RABGAP1L: variants seen among roughly 807,000 people sequenced by gnomAD.
The protein encoded by RABGAP1L is RAB GTPase activating protein 1 like, also known as rab GTPase-activating protein 1-like.
A neutral mutation model predicts 137.7 loss-of-function variants in RABGAP1L; 63 were observed. The ratio of observed to expected loss-of-function variants is 0.46; its 90% CI spans 0.37 to 0.56. The LOEUF is 0.56. RABGAP1L is among the 20% of genes least tolerant of loss of function. The pLI, the probability that RABGAP1L is intolerant of heterozygous loss-of-function variation, is 0.00. For synonymous variants in RABGAP1L, 431 were observed against 433.7 expected (o/e 0.99, Z 0.08); for missense variants, 1,095 against 1,244.0 (o/e 0.88, Z 1.80).
chr1:174,436,177 G>T (rs1036161265), intron 13 of RABGAP1L, among the ~76,000 whole-genome samples: 52 of 152,150 alleles, frequency 3.4e-4, no homozygotes, highest in Non-Finnish European at 4.9e-4. Context: ...ACCCAGTAAT[G>T]GGATGGCTGG....
chr1:174,242,448 A>G (rs1044065940), intron 5 of RABGAP1L, among the ~76,000 whole-genome samples: 1 of 152,244 alleles, frequency 6.6e-6, no homozygotes, highest in Non-Finnish European at 1.5e-5. Context: ...TTTGCTTGTG[A>G]CAAAATAAAT....
intron 19 of RABGAP1L, among the ~76,000 whole-genome samples, chr1:174,856,670 T>A (rs973457970): frequency 2.0e-4 from 30 of 152,124 alleles, no homozygotes; most frequent in African/African-American, 7.0e-4. Context: ...CTCACACCTG[T>A]AATCCCAGCA....
In RABGAP1L at chr1:174,654,137, C is replaced by T. The variant is rs537537185; in HGVS notation, c.1824+16649C>T. ...ACATTTGAAAAGACCAATGGTGAGTCGTCAGCCAAAGTTACTAATTAGGTC... is the reference window on the plus strand; with the variant it reads ...ACATTTGAAAAGACCAATGGTGAGTTGTCAGCCAAAGTTACTAATTAGGTC... On this transcript the variant is annotated intron_variant, in intron 14 of 25. Transcript: ENST00000681986. Among the ~76,000 whole-genome samples, 9 of 152,298 alleles carry T rather than the reference C, an allele frequency of 5.9e-5. No homozygotes were observed. In the East Asian group the frequency reaches 1.2e-3, roughly 20 times the overall value.
intron 13 of RABGAP1L, among the ~76,000 whole-genome samples, chr1:174,597,686 T>C (rs1307405739): frequency 3.3e-5 from 5 of 152,160 alleles, no homozygotes; most frequent in African/African-American, 4.8e-5. Flanking sequence ...AACTAACCTT[T>C]TGTTAATCTT....
chr1:174,365,596 A>G (rs1251188028), intron 11 of RABGAP1L, among the ~76,000 whole-genome samples: 9 of 152,122 alleles, frequency 5.9e-5, no homozygotes. Flanking sequence ...GGATGGCTCT[A>G]TCCTCCGCTG....
chr1:174,341,501 C>T (rs1681968507), intron 11 of RABGAP1L, among the ~76,000 whole-genome samples: 1 of 152,142 alleles, frequency 6.6e-6, no homozygotes. Flanking sequence ...AGTTTAACAA[C>T]TTGGATGAAA....
At chr1:174,652,622 G>A (rs1291735341) in intron 14 of RABGAP1L, among the ~76,000 whole-genome samples, 1 of 152,186 alleles carries the variant, frequency 6.6e-6, no homozygotes, top group Non-Finnish European at 1.5e-5. Flanking sequence ...CGTATCACCA[G>A]CATAGGCTTC....
In RABGAP1L at chr1:174,262,527, C is replaced by T. The variant is rs190802256; in HGVS notation, c.987-9887C>T. On this transcript the variant is annotated intron_variant, in intron 7 of 25. Transcript: ENST00000681986. ...GTATAGAGATGCTCTATGTGTGCTT[C>T]CCCATTTCCCCCTATGGTAACATCT... Among the ~76,000 whole-genome samples the T allele has an allele frequency of 2.6e-5, 4 of 152,274 alleles. No homozygotes were observed. The East Asian group carries it at 5.8e-4, about 22-fold the overall frequency.
chr1:174,278,678 T>C lies in RABGAP1L; in HGVS notation c.1222T>C (p.Phe408Leu), dbSNP rs1413063760. 16 of 1,613,342 alleles carry C rather than the reference T, an allele frequency of 9.9e-6. No homozygotes were observed. The highest frequency in any genetic ancestry group is 3.3e-4 in the Middle Eastern group (2 of 6,078). ...VVTEVVEPVR[F>L]LLETVVRVYP... ...CACAGAGGTGGTGGAGCCTGTTCGC[T>C]TTCTCCTGGAGACAGTAGTCCGTGT... Residue 408 changes from phenylalanine (F) to leucine (L), a missense_variant, in exon 10 of 26, where the codon TTT (phenylalanine) becomes CTT (leucine). By Grantham distance (22) the Phe-to-Leu change is conservative. This residue lies in a region of RABGAP1L where 315 missense variants were observed against 324.8 expected (regional missense o/e 0.97). Transcript: ENST00000681986.
At chr1:174,418,812 G>A (rs568614734) in intron 13 of RABGAP1L, among the ~76,000 whole-genome samples, 1 of 152,306 alleles carries the variant, frequency 6.6e-6, no homozygotes, top group South Asian at 2.1e-4. Context: ...GCTGAGGCAG[G>A]TGGATTACTT....
intron 13 of RABGAP1L, among the ~76,000 whole-genome samples, chr1:174,398,343 T>TG (rs1648129150): frequency 1.3e-5 from 2 of 152,136 alleles, no homozygotes; most frequent in South Asian, 2.1e-4. Context: ...TTGGGGCTGT[T>TG]GCGTGGCTCA....
chr1:174,415,010 C>A (rs1484349267), intron 13 of RABGAP1L, among the ~76,000 whole-genome samples: 1 of 151,938 alleles, frequency 6.6e-6, no homozygotes, highest in African/African-American at 2.4e-5. Context: ...ATTTCTTGAG[C>A]TTCTTCAAAA....
At position 174,327,972 on chromosome 1, in the gene RABGAP1L, TATATATACAC is replaced by T. The variant is rs1462781527; in HGVS notation, c.1465+22847_1465+22856del. ...ACAGTTGTAAATATATATATATATA[TATATATACAC>T]ACACATATATATATATATATATATA... On this transcript the variant is annotated intron_variant, in intron 11 of 25. Coordinates refer to ENST00000681986, the MANE Select transcript of RABGAP1L (RefSeq NM_001366446.1). Among the ~76,000 whole-genome samples, 33 of 18,974 alleles carry T rather than the reference TATATATACAC, an allele frequency of 1.7e-3. 1 individual carries two copies. The highest frequency in any genetic ancestry group is 5.2e-3 in the African/African-American group (27 of 5,190). 12.4% of individuals were successfully genotyped at this position (18,974 alleles called of 152,430 possible).
chr1:174,293,822 C>G (rs1375070413), intron 10 of RABGAP1L, among the ~76,000 whole-genome samples: 1 of 151,966 alleles, frequency 6.6e-6, no homozygotes. Flanking sequence ...AGGCATTATG[C>G]TATGTTGGGG....
intron 19 of RABGAP1L, among the ~76,000 whole-genome samples, chr1:174,901,536 A>C (rs1243557268): frequency 6.6e-6 from 1 of 152,146 alleles, no homozygotes; most frequent in East Asian, 1.9e-4. Flanking sequence ...GAGCCCTCCC[A>C]TGACACCTGG....
At chr1:174,205,809 G>C (rs1296378058) in intron 1 of RABGAP1L, among the ~76,000 whole-genome samples, 1 of 151,816 alleles carries the variant, frequency 6.6e-6, no homozygotes, top group Non-Finnish European at 1.5e-5. Flanking sequence ...TTTTCTTCTG[G>C]TAGCTTTGGT....
chr1:174,497,725 A>G (rs563374379), intron 13 of RABGAP1L, among the ~76,000 whole-genome samples: 1 of 152,246 alleles, frequency 6.6e-6, no homozygotes, highest in African/African-American at 2.4e-5. Context: ...TCTCTCTCTC[A>G]GTCCAACAAA....
At chr1:174,980,868 C>T (rs946270278) in intron 23 of RABGAP1L, among the ~76,000 whole-genome samples, 2 of 150,496 alleles carry the variant, frequency 1.3e-5, no homozygotes, top group Non-Finnish European at 1.5e-5. Flanking sequence ...AAATAACTAA[C>T]GAAAATAGAG....
chr1:174,550,915 C>CAT lies in RABGAP1L; in HGVS notation c.1711-86459_1711-86458insTA, dbSNP rs773622989. Among the ~76,000 whole-genome samples, 105 of 97,984 alleles carry CAT rather than the reference C, an allele frequency of 1.1e-3. 5 individuals carry two copies. Among genetic ancestry groups the CAT allele is most frequent in the African/African-American group, 5.0e-3 (71 of 14,194 alleles). 64.3% of individuals were successfully genotyped at this position (97,984 alleles called of 152,430 possible). On this transcript the variant is annotated intron_variant, in intron 13 of 25. Transcript: ENST00000681986. The stretch of plus-strand genomic sequence containing the variant: ...ATATATACACACACACATATACACA[C>CAT]ACACACATATATATATACACATATA...
Sources: allele counts gnomAD v4.1 joint callset (sites outside exome capture counted in the v4.1 genomes callset), GRCh38; gene constraint gnomAD v4.1.1; regional missense constraint gnomAD v4.1.1; transcripts MANE v1.5; gene names NCBI Gene and HGNC (gene_info 2026-07-23, HGNC 2026-07-21).